The following PCDHGA10 variants were observed in gnomAD, a reference collection of about 807,000 sequenced individuals.
PCDHGA10 encodes the protein protocadherin gamma subfamily A, 10.
Under a neutral mutation model 59.5 loss-of-function variants are expected in PCDHGA10, and 42 were observed. The observed-to-expected ratio is 0.71, with a 90% CI of 0.55 to 0.91. The LOEUF (loss-of-function observed/expected upper bound fraction) is 0.91. PCDHGA10 is among the 40% of genes least tolerant of loss of function. The probability of loss-of-function intolerance (pLI) is 0.00; values close to 1 mark genes in which losing one functional copy is unlikely to be tolerated. For synonymous variants in PCDHGA10, 511 were observed against 517.2 expected, an observed-to-expected ratio of 0.99 and a Z score of 0.16; for missense variants, 1,111 against 1,198.2, an observed-to-expected ratio of 0.93 and a Z score of 1.07.
At position 141,450,045 on chromosome 5, in the gene PCDHGA10, C is replaced by T. The variant is rs369046547; in HGVS notation, c.2436+34434C>T. On this transcript the variant is annotated intron_variant, in intron 1 of 3. Transcript: ENST00000398610. Reference sequence around the variant, plus strand: ...TTTTTGAGACAGGGTCTCACTCTTTCGCCCAGGCTGGAATGCAGTGGTATG... The same window carrying T: ...TTTTTGAGACAGGGTCTCACTCTTTTGCCCAGGCTGGAATGCAGTGGTATG... 4.6e-5 allele frequency among the ~76,000 whole-genome samples: 6 copies of T among 129,508 alleles called. No individual in the cohort carries two copies. In the South Asian group the frequency reaches 9.6e-4, roughly 21 times the overall value. 85.0% of individuals were successfully genotyped at this position (129,508 alleles called of 152,430 possible).
At chr5:141,420,420 CAA>C (rs1462714732) in intron 1 of PCDHGA10, 2 of 1,201,950 alleles carry the variant, frequency 1.7e-6, no homozygotes, top group African/African-American at 3.2e-5. Context: ...ATTATTAAAA[CAA>C]AAGTTTAAAT....
Position 141,485,665 on chromosome 5 carries a change from C to G in PCDHGA10, c.2437-9142C>G. ...AGGCTCAGGATGCAGATGTGGGGAG[C>G]AATTCGATTAGCAGCTATAGGCTGA... On this transcript the variant is annotated intron_variant, in intron 1 of 3. Coordinates refer to ENST00000398610, the MANE Select transcript of PCDHGA10 (RefSeq NM_018913.3). This position sits in a 1 kb window ranked among gnomAD's most constrained non-coding sequence, Gnocchi z 5.7. 1 of 1,612,622 alleles carries G rather than the reference C, an allele frequency of 6.2e-7. No individual in the cohort carries two copies.
intron 1 of PCDHGA10, chr5:141,426,519 C>T: frequency 8.8e-6 from 3 of 341,848 alleles, no homozygotes; most frequent in South Asian, 6.9e-5. Flanking sequence ...TTACCGTGAA[C>T]ACGGAGAATG....
intron 1 of PCDHGA10, chr5:141,418,610 C>T: frequency 6.2e-7 from 1 of 1,614,054 alleles, no homozygotes; most frequent in Non-Finnish European, 8.5e-7. Context: ...CAGGGTTAGC[C>T]TTCGGGAAGA....
chr5:141,428,057 G>T, intron 1 of PCDHGA10: 1 of 1,609,044 alleles, frequency 6.2e-7, no homozygotes, highest in Non-Finnish European at 8.5e-7. Flanking sequence ...AGGTGGTGGC[G>T]GTGGACGCAG....
At chr5:141,458,345 G>A (rs1161535708) in intron 1 of PCDHGA10, among the ~76,000 whole-genome samples, 2 of 152,112 alleles carry the variant, frequency 1.3e-5, no homozygotes, top group Non-Finnish European at 2.9e-5. Context: ...GGAGTGGAGA[G>A]TTTAATAAGC....
rs2099388776 is a variant in PCDHGA10, at chr5:141,476,308, C to T, written c.2437-18499C>T. On this transcript the variant is annotated intron_variant, in intron 1 of 3. Coordinates refer to ENST00000398610, the MANE Select transcript of PCDHGA10 (RefSeq NM_018913.3). The surrounding 1 kb of genome is among the most constrained non-coding windows in gnomAD (Gnocchi z 7.6). ...TGGATCTCGGTAGCCTCTCAGCCCG[C>T]AGGTTCCGGGTGGTGTCTGGAGCTA... The T allele has an allele frequency of 1.2e-6, 2 of 1,613,750 alleles. No individual in the cohort carries two copies. The highest frequency in any genetic ancestry group is 2.7e-5 in the African/African-American group (2 of 74,806).
chr5:141,415,740 G>GTTTTTTTTTT lies in PCDHGA10; in HGVS notation c.2436+152_2436+161dup, dbSNP rs57426385. 90 of 625,044 alleles carry GTTTTTTTTTT rather than the reference G, an allele frequency of 1.4e-4. 1 individual carries two copies. The highest frequency in any genetic ancestry group is 4.1e-4 in the East Asian group (6 of 14,742). The allele number at this position is 625,044 out of a possible 1,614,324, so 38.7% of individuals were successfully genotyped here. On this transcript the variant is annotated intron_variant, in intron 1 of 3. Coordinates refer to ENST00000398610, the MANE Select transcript of PCDHGA10 (RefSeq NM_018913.3). ...TGAGTAGAATTTGATGTTTATTAAG[G>GTTTTTTTTTT]TTTTTTTTTTTTTTTTTTTTTTTTT...
intron 1 of PCDHGA10, among the ~76,000 whole-genome samples, chr5:141,460,737 G>GTA (rs1393989215): frequency 2.0e-5 from 3 of 150,700 alleles, no homozygotes; most frequent in East Asian, 1.9e-4. Context: ...TATACACATT[G>GTA]TATATATATG....
chr5:141,482,998 T>C (rs1458221945), intron 1 of PCDHGA10, among the ~76,000 whole-genome samples: 1 of 152,008 alleles, frequency 6.6e-6, no homozygotes, highest in Non-Finnish European at 1.5e-5. Flanking sequence ...GGCAGGAGAA[T>C]TGCTTGAACC....
rs752011641 is a variant in PCDHGA10 at position 141,490,299 on chromosome 5, C to T, written c.2437-4508C>T. 1.2e-6 allele frequency: 2 copies of T among 1,614,068 alleles called. No homozygotes were observed. Among genetic ancestry groups the T allele is most frequent in the East Asian group, 2.2e-5 (1 of 44,896 alleles). Reference sequence around the variant, plus strand: ...ACAATGCCCCAGAGGTGCTATTGGCCTCTTTGGCCAACCCTGTCCTAGAGA... The same window carrying T: ...ACAATGCCCCAGAGGTGCTATTGGCTTCTTTGGCCAACCCTGTCCTAGAGA... On this transcript the variant is annotated intron_variant, in intron 1 of 3. Coordinates refer to ENST00000398610, the MANE Select transcript of PCDHGA10 (RefSeq NM_018913.3). The surrounding 1 kb of genome is among the most constrained non-coding windows in gnomAD (Gnocchi z 5.4).
chr5:141,415,660 T>C, intron 1 of PCDHGA10, 49 bp downstream of exon 1: 2 of 1,583,052 alleles, frequency 1.3e-6, no homozygotes, highest in Non-Finnish European at 8.6e-7. Context: ...AAAGATTGGT[T>C]TTTACTTTGA....
At chr5:141,441,775 A>G (rs1005757857) in intron 1 of PCDHGA10, 27 of 388,638 alleles carry the variant, frequency 6.9e-5, no homozygotes, top group Admixed American at 5.4e-4. Context: ...GTGTTGGTGG[A>G]CGACCTGAAT....
Position 141,486,740 on chromosome 5 carries a change from T to G in PCDHGA10, c.2437-8067T>G. Reference sequence around the variant, plus strand: ...AGGAGCTGTTCATGCTACTCGATCCTTTGACTATGAGCAAACCCAGACACT... The same window carrying G: ...AGGAGCTGTTCATGCTACTCGATCCGTTGACTATGAGCAAACCCAGACACT... On this transcript the variant is annotated intron_variant, in intron 1 of 3. Transcript: ENST00000398610. This position sits in a 1 kb window ranked among gnomAD's most constrained non-coding sequence, Gnocchi z 5.0. 6.2e-7 allele frequency: 1 copy of G among 1,614,234 alleles called. No individual in the cohort carries two copies. The highest frequency in any genetic ancestry group is 8.5e-7 in the Non-Finnish European group (1 of 1,180,046).
At chr5:141,416,274 A>G (rs2096010347) in intron 1 of PCDHGA10, 2 of 152,404 alleles carry the variant, frequency 1.3e-5, no homozygotes, top group Non-Finnish European at 1.5e-5. Flanking sequence ...CTTTTTGCAT[A>G]CAATTCTCTA....
rs2099455203 is a variant in PCDHGA10 at position 141,478,427 on chromosome 5, C to T, written c.2437-16380C>T. The T allele has an allele frequency of 1.9e-6, 3 of 1,613,742 alleles. No individual in the cohort carries two copies. Among genetic ancestry groups the T allele is most frequent in the Non-Finnish European group, 2.5e-6 (3 of 1,180,014 alleles). On this transcript the variant is annotated intron_variant, in intron 1 of 3. Coordinates refer to ENST00000398610, the MANE Select transcript of PCDHGA10 (RefSeq NM_018913.3). ...CACCACGGACTCCCGCCGCAGCGAC[C>T]CGCTGCTGAAGAAACCTGGTGCAGC...
chr5:141,475,644 A>C (rs1021491842), intron 1 of PCDHGA10, among the ~76,000 whole-genome samples: 2 of 152,238 alleles, frequency 1.3e-5, no homozygotes, highest in Non-Finnish European at 2.9e-5. Context: ...TCTTGTGATC[A>C]AAGAAAGTGA....
chr5:141,431,401 C>T lies in PCDHGA10; in HGVS notation c.2436+15790C>T. ...CTGCTCACCACCTGGTCCTTACGGC[C>T]TCCGACGGGGGCGACCCGGTGCGCA... On this transcript the variant is annotated intron_variant, in intron 1 of 3. Transcript: ENST00000398610. The surrounding 1 kb of genome is among the most constrained non-coding windows in gnomAD (Gnocchi z 4.8). 2 of 1,613,800 alleles carry T rather than the reference C, an allele frequency of 1.2e-6. No homozygotes were observed. Among genetic ancestry groups the T allele is most frequent in the Admixed American group, 1.7e-5 (1 of 60,036 alleles).
In PCDHGA10 at chr5:141,415,077, A is replaced by C; in HGVS notation, c.1902A>C (p.Arg634=). ...GEHTGEVRTA[R]ALLDRDALKQ... is the part of the protein sequence containing the mutation. ...ACACGGGCGAGGTGCGCACGGCGCGAGCCCTGCTGGACAGAGACGCGCTCA... is the reference window on the plus strand; with the variant it reads ...ACACGGGCGAGGTGCGCACGGCGCGCGCCCTGCTGGACAGAGACGCGCTCA... Residue 634 remains arginine, a synonymous_variant, in exon 1 of 4, where the codon CGA becomes CGC. Coordinates refer to ENST00000398610, the MANE Select transcript of PCDHGA10 (RefSeq NM_018913.3). 1.2e-6 allele frequency: 2 copies of C among 1,613,468 alleles called. No homozygotes were observed. The highest frequency in any genetic ancestry group is 1.7e-6 in the Non-Finnish European group (2 of 1,179,954).
Sources: gnomAD v4.1 joint callset for allele counts (sites outside exome capture counted in the v4.1 genomes callset) on GRCh38, gnomAD v4.1.1 for gene constraint, Gnocchi (gnomAD v3.1) non-coding constraint, MANE v1.5 for transcripts, NCBI Gene and HGNC (gene_info 2026-07-23, HGNC 2026-07-21) for gene names.